The following TAFA5 variants were observed in gnomAD, a reference collection of about 807,000 sequenced individuals.
The protein encoded by TAFA5 is chemokine-like protein TAFA-5.
A neutral mutation model predicts 15.3 loss-of-function variants in TAFA5; 6 were observed. The ratio of observed to expected loss-of-function variants is 0.39; its 90% CI spans 0.21 to 0.77. The LOEUF (loss-of-function observed/expected upper bound fraction) is 0.77, where lower values mean the gene tolerates loss of function less well. Ranked by LOEUF, TAFA5 falls within the 30% of genes least tolerant of loss-of-function variation. The pLI, the probability that TAFA5 is intolerant of heterozygous loss-of-function variation, is 0.41. For missense variants in TAFA5, 161 were observed against 193.1 expected, an observed-to-expected ratio of 0.83 and a Z score of 0.98; for synonymous variants, 103 against 80.7, an observed-to-expected ratio of 1.28 and a Z score of -1.48.
intron 2 of TAFA5, among the ~76,000 whole-genome samples, chr22:48,676,543 G>A (rs904397043): frequency 3.3e-5 from 5 of 152,178 alleles, no homozygotes; most frequent in African/African-American, 7.2e-5. Context: ...GAGTCTACAC[G>A]GCTCCCACTC....
At chr22:48,710,397 G>T (rs1269596519) in intron 3 of TAFA5, among the ~76,000 whole-genome samples, 1 of 152,124 alleles carries the variant, frequency 6.6e-6, no homozygotes. Flanking sequence ...CGTTCACCCA[G>T]AACGCCTGTC....
chr22:48,548,480 C>T (rs1416997076), intron 1 of TAFA5, among the ~76,000 whole-genome samples: 1 of 152,190 alleles, frequency 6.6e-6, no homozygotes, highest in Non-Finnish European at 1.5e-5. Context: ...CTGTTCGGGA[C>T]CCTGGGTCAG....
chr22:48,675,389 C>T (rs1601662393), intron 2 of TAFA5, among the ~76,000 whole-genome samples: 1 of 152,364 alleles, frequency 6.6e-6, no homozygotes, highest in East Asian at 1.9e-4. Flanking sequence ...GCAGGGGATG[C>T]AGAGCAGCCT....
chr22:48,689,912 C>T (rs2147237088), intron 2 of TAFA5, among the ~76,000 whole-genome samples: 1 of 152,298 alleles, frequency 6.6e-6, no homozygotes, highest in African/African-American at 2.4e-5. Flanking sequence ...CTTGCTGCCC[C>T]CAGGAGCCAG....
Position 48,554,210 on chromosome 22 carries a change from G to GT in TAFA5, c.112+64507dup, listed in dbSNP as rs550319945. ...AATGTCCCCAGGGAAATGCTCCCGG[G>GT]TGTCTGGGCTTCGACTTTGAAGGTG... On this transcript the variant is annotated intron_variant, in intron 1 of 3. Transcript: ENST00000402357. 5.1e-3 allele frequency among the ~76,000 whole-genome samples: 776 copies of GT among 152,332 alleles called. 10 individuals are homozygous for GT. Among genetic ancestry groups the GT allele is most frequent in the African/African-American group, 0.018 (735 of 41,580 alleles).
In TAFA5 at chr22:48,623,245, C is replaced by CGTGTGGCCCT. The variant is rs1569052383; in HGVS notation, c.113-23351_113-23350insTGTGGCCCTG. On this transcript the variant is annotated intron_variant, in intron 1 of 3. Coordinates refer to ENST00000402357, the MANE Select transcript of TAFA5 (RefSeq NM_001082967.3). ...CGGTGACCTGTGGGACGGGACGTGC[C>CGTGTGGCCCT]GCGTGGCCCTGCGCGGTGACCTGTG... Among the ~76,000 whole-genome samples the CGTGTGGCCCT allele has an allele frequency of 2.6e-4, 38 of 147,752 alleles. 1 individual carries two copies. The highest frequency in any genetic ancestry group is 9.3e-4 in the African/African-American group (37 of 39,916).
intron 1 of TAFA5, among the ~76,000 whole-genome samples, chr22:48,638,240 C>T (rs551247673): frequency 2.0e-5 from 3 of 151,772 alleles, no homozygotes; most frequent in South Asian, 2.1e-4. Context: ...CTTAGACCCC[C>T]GACACTAAGC....
chr22:48,656,782 GA>G (rs72271551), intron 2 of TAFA5, among the ~76,000 whole-genome samples: 72,936 of 99,232 alleles, frequency 0.74, 25,442 homozygotes, highest in South Asian at 0.83. Context: ...TTTTTTTTTT[GA>G]AGATGGAGTC....
chr22:48,659,165 G>T (rs928467194), intron 2 of TAFA5, among the ~76,000 whole-genome samples: 3 of 152,246 alleles, frequency 2.0e-5, no homozygotes, highest in Admixed American at 2.0e-4. Context: ...CACAGGCAGA[G>T]ACCCTGCCTC....
At chr22:48,548,939 A>C (rs1922769708) in intron 1 of TAFA5, among the ~76,000 whole-genome samples, 1 of 152,212 alleles carries the variant, frequency 6.6e-6, no homozygotes, top group Non-Finnish European at 1.5e-5. Flanking sequence ...GAATTATATC[A>C]CAAGAAGCCT....
intron 2 of TAFA5, among the ~76,000 whole-genome samples, chr22:48,690,548 C>G (rs900304394): frequency 1.4e-4 from 21 of 152,206 alleles, no homozygotes; most frequent in African/African-American, 4.6e-4. Context: ...GGGCCAGGGC[C>G]CCTGCATCCT....
At chr22:48,492,127 T>TC (rs71316947) in intron 1 of TAFA5, among the ~76,000 whole-genome samples, 52,030 of 146,552 alleles carry the variant, frequency 0.36, 9,860 homozygotes, top group Middle Eastern at 0.44. Flanking sequence ...AGAAAAAAAA[T>TC]CCCCCCCCCT....
At chr22:48,602,430 C>T (rs1047208874) in intron 1 of TAFA5, among the ~76,000 whole-genome samples, 15 of 152,194 alleles carry the variant, frequency 9.9e-5, no homozygotes, top group African/African-American at 2.4e-4. Context: ...GGGGTGACCC[C>T]GAGGACCTCA....
chr22:48,651,632 G>A (rs1460675946), intron 2 of TAFA5, among the ~76,000 whole-genome samples: 2 of 152,212 alleles, frequency 1.3e-5, no homozygotes, highest in East Asian at 3.9e-4. Context: ...CAGGCAGTGT[G>A]GATGGTTGGC....
intron 1 of TAFA5, among the ~76,000 whole-genome samples, chr22:48,594,334 C>A (rs1924683272): frequency 6.6e-6 from 1 of 152,142 alleles, no homozygotes; most frequent in Non-Finnish European, 1.5e-5. Flanking sequence ...GTGGGACGTT[C>A]TGGGGTGCAC....
intron 1 of TAFA5, among the ~76,000 whole-genome samples, chr22:48,542,390 GGTGT>G (rs1278256204): frequency 2.3e-5 from 3 of 130,820 alleles, no homozygotes; most frequent in Non-Finnish European, 3.2e-5. Flanking sequence ...GTGTGTGTGT[GGTGT>G]GTGTGTGCGT....
intron 2 of TAFA5, among the ~76,000 whole-genome samples, chr22:48,681,231 A>G (rs1928173428): frequency 6.6e-6 from 1 of 152,168 alleles, no homozygotes. Flanking sequence ...GCACATCCAA[A>G]TGCCTGGAAC....
chr22:48,528,427 C>T (rs1052234205), intron 1 of TAFA5, among the ~76,000 whole-genome samples: 1 of 152,092 alleles, frequency 6.6e-6, no homozygotes, highest in African/African-American at 2.4e-5. Context: ...GAAGGGCAGC[C>T]CCTGCAACCC....
At chr22:48,519,213 G>A (rs1921521476) in intron 1 of TAFA5, among the ~76,000 whole-genome samples, 1 of 152,226 alleles carries the variant, frequency 6.6e-6, no homozygotes, top group African/African-American at 2.4e-5. Flanking sequence ...GATACATGAT[G>A]TCAAAAGGTA....
Sources: allele counts gnomAD v4.1 joint callset (sites outside exome capture counted in the v4.1 genomes callset), GRCh38; gene constraint gnomAD v4.1.1; transcripts MANE v1.5; gene names NCBI Gene and HGNC (gene_info 2026-07-23, HGNC 2026-07-21).